RALGAPB: variants seen among roughly 807,000 people sequenced by gnomAD.
RALGAPB encodes the protein Ral GTPase activating protein non-catalytic subunit beta, also known as ral GTPase-activating protein subunit beta.
Under a neutral mutation model 161.1 loss-of-function variants are expected in RALGAPB, and 25 were observed. That is an observed-to-expected ratio of 0.16 (90% CI 0.11 to 0.22). RALGAPB has a LOEUF of 0.22. Ranked by LOEUF, RALGAPB falls within the 10% of genes least tolerant of loss-of-function variation. The pLI is 1.00. For missense variants in RALGAPB, 1,391 were observed against 1,815.2 expected (o/e 0.77, Z 4.25); for synonymous variants, 629 against 626.1 (o/e 1.00, Z -0.07).
intron 16 of RALGAPB, 33 bp downstream of exon 16, chr20:38,535,240 C>T (rs764522123): frequency 3.7e-6 from 6 of 1,610,360 alleles, no homozygotes; most frequent in Middle Eastern, 1.7e-4. Flanking sequence ...TTTAACCCAA[C>T]AGCCTTGGGC....
intron 2 of RALGAPB, among the ~76,000 whole-genome samples, chr20:38,492,376 G>C (rs1354259619): frequency 6.6e-6 from 1 of 152,042 alleles, no homozygotes; most frequent in Non-Finnish European, 1.5e-5. Flanking sequence ...ATCTTACCCA[G>C]CTTCAATCCT....
intron 5 of RALGAPB, among the ~76,000 whole-genome samples, chr20:38,507,365 ATTG>A (rs1310575790): frequency 1.3e-5 from 2 of 151,662 alleles, no homozygotes; most frequent in South Asian, 2.1e-4. Context: ...TTTCCTTGTT[ATTG>A]TTGTTGTTAT....
chr20:38,569,670 C>A, intron 26 of RALGAPB: 1 of 442,484 alleles, frequency 2.3e-6, no homozygotes, highest in South Asian at 4.6e-5. Context: ...CTTTTTTTTT[C>A]TTTGACAATT....
intron 3 of RALGAPB, among the ~76,000 whole-genome samples, 159 bp downstream of exon 3, chr20:38,493,291 G>A (rs779127531): frequency 6.6e-6 from 1 of 152,118 alleles, no homozygotes; most frequent in South Asian, 2.1e-4. Context: ...GGAGAGATGG[G>A]CTTATGTAAT....
intron 5 of RALGAPB, among the ~76,000 whole-genome samples, chr20:38,504,399 G>C (rs1031590088): frequency 1.2e-4 from 19 of 152,124 alleles, no homozygotes; most frequent in African/African-American, 4.6e-4. Flanking sequence ...AATGAAACTA[G>C]ACTCCTACCT....
At chr20:38,520,544 T>TTTTTG (rs2086257954) in intron 9 of RALGAPB, among the ~76,000 whole-genome samples, 1 of 150,630 alleles carries the variant, frequency 6.6e-6, no homozygotes, top group East Asian at 1.9e-4. Flanking sequence ...TTTTTTTTTT[T>TTTTTG]TTAAAGCTTT....
At chr20:38,489,983 G>A (rs1322791629) in intron 2 of RALGAPB, among the ~76,000 whole-genome samples, 2 of 151,634 alleles carry the variant, frequency 1.3e-5, no homozygotes, top group Non-Finnish European at 2.9e-5. Flanking sequence ...GAAAAGAGAT[G>A]AGAATTCCTG....
In RALGAPB at chr20:38,577,264, C is replaced by G. The variant is rs1405301289; in HGVS notation, c.*2297C>G. 6.6e-6 allele frequency: 1 copy of G among 152,178 alleles called. No individual in the cohort carries two copies. The highest frequency in any genetic ancestry group is 6.5e-5 in the Admixed American group (1 of 15,282). 9.4% of individuals were successfully genotyped at this position (152,178 alleles called of 1,614,324 possible). On this transcript the variant is annotated 3_prime_UTR_variant, in exon 30 of 30. Transcript: ENST00000262879. Reference sequence around the variant, plus strand: ...TAGTATGGATTTGAGTTCATGGTCACTATTTTTACCCACCTGCCTTTGTTA... The same window carrying G: ...TAGTATGGATTTGAGTTCATGGTCAGTATTTTTACCCACCTGCCTTTGTTA...
In RALGAPB at chr20:38,533,005, G is replaced by GA. The variant is rs1270996801; in HGVS notation, c.2245+152dup. ...GAGGATGTCAGTCTTAAGAAGCTAA[G>GA]AAAAAACAAATCTTTTTGATTTAGC... On this transcript the variant is annotated intron_variant, in intron 15 of 29. Transcript: ENST00000262879. 1.3e-5 allele frequency: 13 copies of GA among 964,146 alleles called. No individual in the cohort carries two copies. The East Asian group carries it at 3.2e-4, about 24-fold the overall frequency. The allele number at this position is 964,146 out of a possible 1,614,324, so 59.7% of individuals were successfully genotyped here.
chr20:38,476,483 T>C (rs907675252), intron 1 of RALGAPB, among the ~76,000 whole-genome samples: 8 of 152,288 alleles, frequency 5.3e-5, no homozygotes, highest in Admixed American at 5.2e-4. Flanking sequence ...GGTGTCCCCT[T>C]TCGCCCCCGA....
Position 38,517,615 on chromosome 20 carries a change from G to A in RALGAPB, c.1161G>A (p.Arg387=). ...STTPPHNRRH[R]AVTVNKATMK... ...CCCCCCCACATAACCGGAGGCACCG[G>A]GCTGTTACTGTGAATAAGGCCACCA... The change falls in exon 8 of 30, where the codon CGG becomes CGA. Residue 387 remains arginine (R), a synonymous_variant. Transcript: ENST00000262879. 6.2e-7 allele frequency: 1 copy of A among 1,613,816 alleles called. No homozygotes were observed. Among genetic ancestry groups the A allele is most frequent in the Middle Eastern group, 1.6e-4 (1 of 6,062 alleles).
At chr20:38,522,468 C>G (rs1453657053) in intron 10 of RALGAPB, among the ~76,000 whole-genome samples, 1 of 152,138 alleles carries the variant, frequency 6.6e-6, no homozygotes, top group Non-Finnish European at 1.5e-5. Flanking sequence ...TCACTCTATC[C>G]CCACCATTAT....
At chr20:38,553,803 A>G in intron 21 of RALGAPB, 64 bp from the exon 22 acceptor site, 1 of 886,876 alleles carries the variant, frequency 1.1e-6, no homozygotes, top group Non-Finnish European at 1.7e-6. Context: ...AAAAAAAAAC[A>G]CTTAAGATTG....
intron 18 of RALGAPB, among the ~76,000 whole-genome samples, chr20:38,545,059 A>G (rs1015013630): frequency 1.3e-5 from 2 of 151,944 alleles, no homozygotes; most frequent in East Asian, 1.9e-4. Context: ...TTGGATCTCA[A>G]CTCTTTCTAT....
chr20:38,523,567 T>C (rs1486074210), intron 10 of RALGAPB, among the ~76,000 whole-genome samples: 1 of 152,226 alleles, frequency 6.6e-6, no homozygotes, highest in Non-Finnish European at 1.5e-5. Flanking sequence ...CAAATATTTA[T>C]TAAGTCCTAC....
Position 38,575,727 on chromosome 20 carries a change from C to T in RALGAPB, c.*760C>T, listed in dbSNP as rs2088410860. On this transcript the variant is annotated 3_prime_UTR_variant, in exon 30 of 30. Coordinates refer to ENST00000262879, the MANE Select transcript of RALGAPB (RefSeq NM_020336.4). ...TAAAAGTTATAAGACAGCAGTGATA[C>T]CCCACTCTCTCCATTATTGTCCAGC... 6.6e-6 allele frequency: 1 copy of T among 152,248 alleles called. No homozygotes were observed. The highest frequency in any genetic ancestry group is 2.1e-4 in the South Asian group (1 of 4,820). 9.4% of individuals were successfully genotyped at this position (152,248 alleles called of 1,614,324 possible).
chr20:38,482,569 A>G (rs1251973461), intron 1 of RALGAPB, among the ~76,000 whole-genome samples: 1 of 151,656 alleles, frequency 6.6e-6, no homozygotes, highest in Admixed American at 6.6e-5. Context: ...CTGGGATTAC[A>G]GGCACACACC....
At chr20:38,498,947 T>C (rs1038789656) in intron 4 of RALGAPB, among the ~76,000 whole-genome samples, 4 of 152,258 alleles carry the variant, frequency 2.6e-5, no homozygotes, top group Non-Finnish European at 5.9e-5. Context: ...CTTCACTTAC[T>C]GGCTGCATGA....
rs531183160 is a variant in RALGAPB at position 38,477,984 on chromosome 20, G to A, written c.-31+4915G>A. ...AAAAATTTTTCTAAAAATTAGCGGCGCATGGTGACACACACCTGTGGTCTG... is the reference window on the plus strand; with the variant it reads ...AAAAATTTTTCTAAAAATTAGCGGCACATGGTGACACACACCTGTGGTCTG... On this transcript the variant is annotated intron_variant, in intron 1 of 29. Coordinates refer to ENST00000262879, the MANE Select transcript of RALGAPB (RefSeq NM_020336.4). Among the ~76,000 whole-genome samples, 256 of 152,262 alleles carry A rather than the reference G, an allele frequency of 1.7e-3. 1 individual carries two copies. Among genetic ancestry groups the A allele is most frequent in the African/African-American group, 4.5e-3 (187 of 41,550 alleles).
Sources: allele counts gnomAD v4.1 joint callset (sites outside exome capture counted in the v4.1 genomes callset), GRCh38; gene constraint gnomAD v4.1.1; transcripts MANE v1.5; gene names NCBI Gene and HGNC (gene_info 2026-07-23, HGNC 2026-07-21).